KALRN: variants seen among roughly 807,000 people sequenced by gnomAD.
KALRN encodes the protein kalirin.
A neutral mutation model predicts 353.7 loss-of-function variants in KALRN; 70 were observed. The ratio of observed to expected loss-of-function variants is 0.20; its 90% CI spans 0.16 to 0.24. KALRN has a LOEUF of 0.24. KALRN is among the 10% of genes least tolerant of loss of function. KALRN has a pLI of 1.00. For synonymous variants in KALRN, 1,391 were observed against 1,434.8 expected (o/e 0.97, Z 0.69); for missense variants, 2,791 against 3,756.7 (o/e 0.74, Z 6.72).
intron 1 of KALRN, among the ~76,000 whole-genome samples, chr3:124,155,674 GA>G (rs1373876801): frequency 1.3e-5 from 2 of 152,206 alleles, no homozygotes; most frequent in Non-Finnish European, 2.9e-5. Flanking sequence ...GGAATTTAAA[GA>G]AATGCAATAC....
intron 9 of KALRN, among the ~76,000 whole-genome samples, chr3:124,336,088 T>A (rs2081107627): frequency 6.6e-6 from 1 of 152,100 alleles, no homozygotes; most frequent in Non-Finnish European, 1.5e-5. Flanking sequence ...GTGCAATCAG[T>A]CCCAGGAACA....
chr3:124,551,734 C>T (rs188522860), intron 33 of KALRN, among the ~76,000 whole-genome samples: 1 of 152,346 alleles, frequency 6.6e-6, no homozygotes, highest in African/African-American at 2.4e-5. Flanking sequence ...GGGCCAGCAT[C>T]CCTCATTTCT....
At chr3:124,128,499 G>T (rs1483970599) in intron 1 of KALRN, among the ~76,000 whole-genome samples, 1 of 152,180 alleles carries the variant, frequency 6.6e-6, no homozygotes, top group African/African-American at 2.4e-5. Flanking sequence ...CATTTCACTT[G>T]TTGGCAATTC....
At chr3:124,398,952 G>A in intron 13 of KALRN, 81 bp downstream of exon 13, 1 of 1,410,886 alleles carries the variant, frequency 7.1e-7, no homozygotes, top group Non-Finnish European at 9.6e-7. Context: ...GGGCAGGGCA[G>A]TAGCCTAAGG....
chr3:124,331,363 C>T (rs1302578742), intron 8 of KALRN, among the ~76,000 whole-genome samples: 1 of 152,070 alleles, frequency 6.6e-6, no homozygotes, highest in African/African-American at 2.4e-5. Context: ...GAATGGAAAA[C>T]CAAGTATGGC....
chr3:124,141,663 T>C (rs964429408), intron 1 of KALRN, among the ~76,000 whole-genome samples: 1 of 152,234 alleles, frequency 6.6e-6, no homozygotes, highest in Admixed American at 6.5e-5. Flanking sequence ...TCCATAGCAC[T>C]TGGCACAATG....
chr3:124,665,587 C>T (rs1198166737), intron 45 of KALRN, among the ~76,000 whole-genome samples: 3 of 152,144 alleles, frequency 2.0e-5, no homozygotes, highest in African/African-American at 7.2e-5. Context: ...GCCTCAGCCT[C>T]CTAAGTAGCT....
At chr3:124,075,777 T>G (rs2060230237) in intron 1 of KALRN, among the ~76,000 whole-genome samples, 1 of 152,098 alleles carries the variant, frequency 6.6e-6, no homozygotes, top group African/African-American at 2.4e-5. Context: ...GGCATTCGGG[T>G]TTGGGGTGCA....
chr3:124,573,173 G>A (rs559623520), intron 34 of KALRN, among the ~76,000 whole-genome samples: 2 of 152,320 alleles, frequency 1.3e-5, no homozygotes, highest in East Asian at 3.9e-4. Context: ...TGTCTGGGAC[G>A]TGAGAGAGGA....
At chr3:124,712,860 A>G in intron 57 of KALRN, 75 bp from the exon 58 acceptor site, 3 of 1,051,728 alleles carry the variant, frequency 2.9e-6, no homozygotes, top group Non-Finnish European at 4.3e-6. Context: ...TTCCCACAAA[A>G]CTTTACTTAT....
Position 124,207,952 on chromosome 3 carries a change from G to A in KALRN, c.74-20038G>A, listed in dbSNP as rs532213310. Among the ~76,000 whole-genome samples the A allele has an allele frequency of 9.2e-5, 14 of 152,310 alleles. No homozygotes were observed. The East Asian group carries it at 2.1e-3, about 23-fold the overall frequency. On this transcript the variant is annotated intron_variant, in intron 1 of 59. Transcript: ENST00000682506. ...TGTGAGGTAAGTGATCACCAGTGGG[G>A]CAGGGGTAACTTGGTCTGCCTGCTG...
At chr3:124,657,378 T>C (rs2084197380) in intron 39 of KALRN, 70 bp from the exon 40 acceptor site, 2 of 1,008,426 alleles carry the variant, frequency 2.0e-6, no homozygotes, top group Admixed American at 3.5e-5. Flanking sequence ...AGGGGTGCTG[T>C]GGTGTGTGGC....
intron 9 of KALRN, among the ~76,000 whole-genome samples, chr3:124,341,650 G>A (rs941554745): frequency 6.6e-6 from 1 of 152,176 alleles, no homozygotes; most frequent in Admixed American, 6.5e-5. Context: ...TTCTGCATTA[G>A]AGGGGTCAGT....
intron 13 of KALRN, among the ~76,000 whole-genome samples, chr3:124,411,968 G>C (rs75183107): frequency 0.012 from 1,835 of 152,258 alleles, 31 homozygotes; most frequent in East Asian, 0.077. Context: ...TGTGGGGTGT[G>C]AAGTGAGAAC....
chr3:124,057,025 C>A (rs2041614402), intron 1 of KALRN, among the ~76,000 whole-genome samples: 1 of 152,106 alleles, frequency 6.6e-6, no homozygotes, highest in Non-Finnish European at 1.5e-5. Context: ...AATCTTTTTC[C>A]CCAGAGTTAT....
At chr3:124,659,342 T>C (rs759170835) in intron 42 of KALRN, 23 bp from the exon 43 acceptor site, 1 of 1,551,442 alleles carries the variant, frequency 6.4e-7, no homozygotes, top group South Asian at 1.1e-5. Flanking sequence ...CTTTTTCTTC[T>C]AATATTGCTG....
chr3:124,356,459 G>A (rs1285469723), intron 10 of KALRN, among the ~76,000 whole-genome samples: 2 of 150,960 alleles, frequency 1.3e-5, no homozygotes, highest in African/African-American at 4.9e-5. Context: ...TCAACCTCCT[G>A]AGTAGCTGGG....
rs1281100294 is a variant in KALRN at position 124,666,635 on chromosome 3, G to A, written c.6531+1G>A. On this transcript the variant is annotated splice_donor_variant, in intron 46 of 59. Transcript: ENST00000682506. LOFTEE classifies it high-confidence loss of function. ...CTACATGTTCAAAAGGAGCATCAAGGTGAGGATCCCAATGGTGATGAGAAG... is the reference window on the plus strand; with the variant it reads ...CTACATGTTCAAAAGGAGCATCAAGATGAGGATCCCAATGGTGATGAGAAG... 6.2e-7 allele frequency: 1 copy of A among 1,613,504 alleles called. No homozygotes were observed. Among genetic ancestry groups the A allele is most frequent in the Non-Finnish European group, 8.5e-7 (1 of 1,179,540 alleles).
intron 1 of KALRN, among the ~76,000 whole-genome samples, chr3:124,183,981 A>C (rs573712854): frequency 6.6e-6 from 1 of 152,218 alleles, no homozygotes; most frequent in Non-Finnish European, 1.5e-5. Context: ...ATCACCATAC[A>C]TATGGTGCTG....
Sources: gnomAD v4.1 joint callset for allele counts (sites outside exome capture counted in the v4.1 genomes callset) on GRCh38, gnomAD v4.1.1 for gene constraint, MANE v1.5 for transcripts, NCBI Gene and HGNC (gene_info 2026-07-23, HGNC 2026-07-21) for gene names.